VPS13B: variants seen among roughly 807,000 people sequenced by gnomAD.
The protein encoded by VPS13B is intermembrane lipid transfer protein VPS13B.
Under a neutral mutation model 426.4 loss-of-function variants are expected in VPS13B, and 285 were observed. The observed-to-expected ratio is 0.67, with a 90% CI of 0.61 to 0.74. The LOEUF (loss-of-function observed/expected upper bound fraction) is 0.74. VPS13B is among the 30% of genes least tolerant of loss of function. The pLI, the probability that VPS13B is intolerant of heterozygous loss-of-function variation, is 0.00. For missense variants in VPS13B, 4,537 were observed against 4,782.6 expected (o/e 0.95, Z 1.51); for synonymous variants, 1,676 against 1,676.4 (o/e 1.00, Z 0.01).
intron 17 of VPS13B, chr8:99,209,927 AG>A (rs1176447423): frequency 2.3e-5 from 4 of 173,918 alleles, no homozygotes; most frequent in Non-Finnish European, 4.5e-5. Context: ...TTTAAGGACA[AG>A]AGATGTAGGT....
chr8:99,526,704 T>C (rs539867522), intron 30 of VPS13B, among the ~76,000 whole-genome samples: 2 of 152,300 alleles, frequency 1.3e-5, no homozygotes, highest in Non-Finnish European at 1.5e-5. Flanking sequence ...ATGTTGACTA[T>C]CTCAGGAGTT....
intron 3 of VPS13B, among the ~76,000 whole-genome samples, chr8:99,044,368 C>A (rs1317319116): frequency 1.3e-5 from 2 of 151,642 alleles, no homozygotes; most frequent in East Asian, 3.9e-4. Context: ...CAGGCTTGAG[C>A]CACCGCGCCC....
intron 39 of VPS13B, among the ~76,000 whole-genome samples, chr8:99,736,108 G>C (rs900346529): frequency 3.3e-5 from 5 of 152,168 alleles, no homozygotes; most frequent in African/African-American, 1.2e-4. Context: ...CAATTGCTCA[G>C]TATGTGTGGA....
At chr8:99,358,065 CAA>C (rs1812286287) in intron 19 of VPS13B, among the ~76,000 whole-genome samples, 1 of 151,784 alleles carries the variant, frequency 6.6e-6, no homozygotes, top group Non-Finnish European at 1.5e-5. Context: ...TGCCCAGTGA[CAA>C]TTCTCTTTTT....
In VPS13B at chr8:99,838,802, GC is replaced by G. The variant is rs554772143; in HGVS notation, c.9942+3066del. Among the ~76,000 whole-genome samples the G allele has an allele frequency of 2.1e-3, 326 of 152,340 alleles. 1 individual carries two copies. The highest frequency in any genetic ancestry group is 3.6e-3 in the Non-Finnish European group (248 of 68,030). ...AGGGTGTCTCTTACTGAGAGACCTT[GC>G]CTCTGTGCCTTCAAGGTGAACAGGC... On this transcript the variant is annotated intron_variant, in intron 54 of 61. Transcript: ENST00000357162.
chr8:99,406,905 A>G (rs1815363508), intron 21 of VPS13B, among the ~76,000 whole-genome samples: 1 of 152,206 alleles, frequency 6.6e-6, no homozygotes, highest in Admixed American at 6.5e-5. Context: ...GGTTTGTAAC[A>G]ATCATGAAGG....
intron 56 of VPS13B, among the ~76,000 whole-genome samples, chr8:99,858,029 C>G (rs1484690381): frequency 6.6e-6 from 1 of 152,212 alleles, no homozygotes; most frequent in Non-Finnish European, 1.5e-5. Context: ...GTACCCTCAC[C>G]TTCCTGATCC....
intron 39 of VPS13B, among the ~76,000 whole-genome samples, chr8:99,737,183 C>T (rs1010441010): frequency 2.5e-5 from 3 of 121,898 alleles, no homozygotes; most frequent in South Asian, 2.7e-4. Flanking sequence ...TGCAGGGGCG[C>T]GATCTCTGCT....
intron 39 of VPS13B, among the ~76,000 whole-genome samples, chr8:99,757,602 T>C (rs939412388): frequency 6.6e-6 from 1 of 152,132 alleles, no homozygotes; most frequent in Admixed American, 6.6e-5. Flanking sequence ...TATTAAGTAA[T>C]AAAAACAAAT....
At chr8:99,710,487 G>A (rs1052454596) in intron 36 of VPS13B, among the ~76,000 whole-genome samples, 3 of 151,982 alleles carry the variant, frequency 2.0e-5, no homozygotes, top group African/African-American at 4.8e-5. Flanking sequence ...AAATAAGGAA[G>A]ATATTTAGTA....
In VPS13B at chr8:99,853,611, G is replaced by C; in HGVS notation, c.10222G>C (p.Glu3408Gln). 1 of 1,614,168 alleles carries C rather than the reference G, an allele frequency of 6.2e-7. No individual in the cohort carries two copies. The highest frequency in any genetic ancestry group is 8.5e-7 in the Non-Finnish European group (1 of 1,180,028). ...VAPGAGPLPG[E>Q]EPVAALFELY... ...CCCGGGAGCTGGTCCCCTCCCTGGG[G>C]AAGAGCCTGTGGCTGCGTTGTTTGA... is the stretch of plus-strand genomic sequence containing the variant. Residue 3408 changes from glutamate to glutamine, a missense_variant, in exon 56 of 62, where the codon GAA becomes CAA. By Grantham distance (29) the Glu-to-Gln change is conservative (BLOSUM62 2). Transcript: ENST00000357162.
chr8:99,875,302 T>TTTAA, intron 61 of VPS13B, 116 bp from the exon 62 acceptor site: 1 of 1,406,286 alleles, frequency 7.1e-7, no homozygotes, highest in Non-Finnish European at 1.0e-6. Flanking sequence ...GATTAATGGC[T>TTTAA]TTAATAGATG....
In VPS13B at chr8:99,163,438, G is replaced by A. The variant is rs529652609; in HGVS notation, c.2209-6601G>A. ...TGGGTGGTCGATGGGACTGGGCGCC[G>A]TGGAATAGGGGGTGGTGCTCGTTGG... On this transcript the variant is annotated intron_variant, in intron 15 of 61. Coordinates refer to ENST00000357162, the MANE Select transcript of VPS13B (RefSeq NM_152564.5). 2.1e-3 allele frequency among the ~76,000 whole-genome samples: 314 copies of A among 152,356 alleles called. 1 individual carries two copies. Among genetic ancestry groups the A allele is most frequent in the African/African-American group, 5.1e-3 (212 of 41,592 alleles).
Position 99,339,608 on chromosome 8 carries a change from G to T in VPS13B, c.2825-44600G>T, listed in dbSNP as rs958254860. Reference sequence around the variant, plus strand: ...GGAGACACAGATCCAAACCACGTCAGTTTTTTTTTTTTTCCAGTTTTTTTC... The same window carrying T: ...GGAGACACAGATCCAAACCACGTCATTTTTTTTTTTTTTCCAGTTTTTTTC... On this transcript the variant is annotated intron_variant, in intron 19 of 61. Transcript: ENST00000357162. Among the ~76,000 whole-genome samples the T allele has an allele frequency of 2.4e-3, 346 of 144,096 alleles. 3 individuals are homozygous for T. The highest frequency in any genetic ancestry group is 8.5e-3 in the African/African-American group (336 of 39,526). 94.5% of individuals were successfully genotyped at this position (144,096 alleles called of 152,430 possible). A position where few individuals can be genotyped will look rare whatever the true frequency, so the allele number is the denominator to read the frequency against.
chr8:99,417,802 TTTC>T (rs898426392), intron 21 of VPS13B, among the ~76,000 whole-genome samples: 2 of 152,146 alleles, frequency 1.3e-5, no homozygotes, highest in African/African-American at 4.8e-5. Context: ...CTTGTTTTTT[TTTC>T]TTGACAGATT....
intron 23 of VPS13B, among the ~76,000 whole-genome samples, chr8:99,457,781 T>G (rs988719269): frequency 2.0e-5 from 3 of 152,190 alleles, no homozygotes; most frequent in African/African-American, 7.2e-5. Context: ...TGTGATATGT[T>G]TACATTTTTT....
intron 40 of VPS13B, among the ~76,000 whole-genome samples, chr8:99,769,202 A>G (rs1478007604): frequency 1.3e-5 from 2 of 152,194 alleles, no homozygotes; most frequent in Non-Finnish European, 1.5e-5. Context: ...ATATTTCACA[A>G]TTTATCTCAC....
chr8:99,192,729 A>C, intron 16 of VPS13B, 147 bp from the exon 17 acceptor site: 1 of 727,120 alleles, frequency 1.4e-6, no homozygotes, highest in Non-Finnish European at 2.2e-6. Context: ...AGTTAGCAGA[A>C]TTGCATATCT....
At chr8:99,842,041 T>A (rs993861533) in intron 54 of VPS13B, among the ~76,000 whole-genome samples, 3 of 152,204 alleles carry the variant, frequency 2.0e-5, no homozygotes, top group African/African-American at 7.2e-5. Flanking sequence ...CAATCACCTC[T>A]TCCCGCCTTT....
Sources: gnomAD v4.1 joint callset for allele counts (sites outside exome capture counted in the v4.1 genomes callset) on GRCh38, gnomAD v4.1.1 for gene constraint, MANE v1.5 for transcripts, NCBI Gene and HGNC (gene_info 2026-07-23, HGNC 2026-07-21) for gene names.